The following CAPN13 variants were observed in gnomAD, a reference collection of about 807,000 sequenced individuals.
The protein encoded by CAPN13 is calpain-13.
Under a neutral mutation model 98.4 loss-of-function variants are expected in CAPN13, and 90 were observed. The observed-to-expected ratio is 0.92, with a 90% CI of 0.77 to 1.09. The LOEUF (loss-of-function observed/expected upper bound fraction) is 1.09, where lower values mean the gene tolerates loss of function less well. Ranked by LOEUF, CAPN13 falls within the 50% of genes least tolerant of loss-of-function variation. CAPN13 has a pLI of 0.00. For missense variants in CAPN13, 887 were observed against 841.3 expected (o/e 1.05, Z -0.67); for synonymous variants, 330 against 305.5 (o/e 1.08, Z -0.84).
At chr2:30,800,542 G>A (rs959138984) in intron 1 of CAPN13, among the ~76,000 whole-genome samples, 3 of 152,172 alleles carry the variant, frequency 2.0e-5, no homozygotes, top group African/African-American at 7.2e-5. Context: ...CCTTGGGCAC[G>A]TCGCTCCCTC....
At chr2:30,760,557 T>C (rs549598265) in intron 7 of CAPN13, among the ~76,000 whole-genome samples, 2 of 152,242 alleles carry the variant, frequency 1.3e-5, no homozygotes, top group African/African-American at 4.8e-5. Flanking sequence ...AGGTGCATAA[T>C]AAAAAATGCC....
chr2:30,754,429 G>C, intron 8 of CAPN13, 65 bp from the exon 9 acceptor site: 2 of 1,357,826 alleles, frequency 1.5e-6, no homozygotes, highest in Non-Finnish European at 2.0e-6. Flanking sequence ...ACCATGTGTG[G>C]GTCAACAGGG....
intron 1 of CAPN13, among the ~76,000 whole-genome samples, chr2:30,800,116 A>AAAGAAAGAAAGAAAG (rs1444108248): frequency 1.2e-5 from 1 of 85,658 alleles, no homozygotes; most frequent in East Asian, 3.9e-4. Flanking sequence ...GAAAAGAAAG[A>AAAGAAAGAAAGAAAG]AAAGAAAGAA....
At chr2:30,735,708 C>T (rs772750139) in intron 18 of CAPN13, among the ~76,000 whole-genome samples, 3 of 152,164 alleles carry the variant, frequency 2.0e-5, no homozygotes, top group Non-Finnish European at 2.9e-5. Context: ...CTGAAATAGC[C>T]ACACAGGAAC....
chr2:30,775,258 C>T (rs1003604421), intron 4 of CAPN13, among the ~76,000 whole-genome samples: 1 of 152,046 alleles, frequency 6.6e-6, no homozygotes. Flanking sequence ...TTACATGAGC[C>T]ACAAAATCAT....
intron 5 of CAPN13, 126 bp from the exon 6 acceptor site, chr2:30,764,432 C>T (rs1305769485): frequency 1.7e-5 from 16 of 938,438 alleles, no homozygotes; most frequent in Non-Finnish European, 2.4e-5. Context: ...CTGATCATGG[C>T]CACCCACCTC....
rs367988388 is a variant in CAPN13 at position 30,764,120 on chromosome 2, C to G, written c.699+12G>C. 3.1e-5 allele frequency: 48 copies of G among 1,555,722 alleles called. 1 individual carries two copies. In the African/African-American group the frequency reaches 5.9e-4, roughly 19 times the overall value. ...GCTTGAACTGGTGCAAAAGGGCTCC[C>G]CAGTGACTTACCCCACTTGGAGTGG... On this transcript the variant is annotated intron_variant, in intron 6 of 22. Transcript: ENST00000295055.
intron 18 of CAPN13, among the ~76,000 whole-genome samples, chr2:30,735,761 A>G (rs771679784): frequency 6.6e-6 from 1 of 152,258 alleles, no homozygotes; most frequent in Non-Finnish European, 1.5e-5. Context: ...ATATTTAGTG[A>G]CATGGCTAGA....
intron 22 of CAPN13, among the ~76,000 whole-genome samples, chr2:30,730,451 T>C (rs1671027973): frequency 6.6e-6 from 1 of 152,224 alleles, no homozygotes; most frequent in Non-Finnish European, 1.5e-5. Context: ...GAGATACTTT[T>C]TTTCTTTCGA....
intron 10 of CAPN13, among the ~76,000 whole-genome samples, chr2:30,751,920 A>G (rs575667308): frequency 6.6e-6 from 1 of 152,344 alleles, no homozygotes; most frequent in East Asian, 1.9e-4. Flanking sequence ...GTGCTCGATC[A>G]CTGGCTCTCT....
chr2:30,745,320 T>C, intron 12 of CAPN13: 1 of 485,418 alleles, frequency 2.1e-6, no homozygotes. Context: ...ACCTTGAAGC[T>C]GCATTTGGAG....
chr2:30,727,155 C>G (rs911106743), intron 22 of CAPN13, among the ~76,000 whole-genome samples: 4 of 152,078 alleles, frequency 2.6e-5, no homozygotes, highest in Admixed American at 2.6e-4. Context: ...GAAATTAGAA[C>G]GTTACTTCAC....
At chr2:30,777,448 C>T (rs1045654212) in intron 3 of CAPN13, 119 bp downstream of exon 3, 34 of 853,036 alleles carry the variant, frequency 4.0e-5, no homozygotes, top group Non-Finnish European at 5.7e-6. Context: ...GCAGTTTGTC[C>T]ACGGCAGCAC....
At chr2:30,792,562 A>G (rs919236631) in intron 1 of CAPN13, among the ~76,000 whole-genome samples, 2 of 152,146 alleles carry the variant, frequency 1.3e-5, no homozygotes, top group Non-Finnish European at 2.9e-5. Context: ...TGAATTTACT[A>G]TCCAAAGCTT....
At chr2:30,800,266 T>C (rs1675193733) in intron 1 of CAPN13, among the ~76,000 whole-genome samples, 1 of 152,200 alleles carries the variant, frequency 6.6e-6, no homozygotes, top group Admixed American at 6.5e-5. Flanking sequence ...CCAGTGACTC[T>C]GGGTTCAGCA....
chr2:30,760,306 C>T (rs1288456455), intron 7 of CAPN13, among the ~76,000 whole-genome samples: 7 of 152,164 alleles, frequency 4.6e-5, no homozygotes, highest in African/African-American at 7.2e-5. Context: ...AGGATGGATA[C>T]GCAGTTTATT....
At chr2:30,751,035 C>G in intron 11 of CAPN13, 68 bp downstream of exon 11, 2 of 1,542,848 alleles carry the variant, frequency 1.3e-6, no homozygotes. Flanking sequence ...CTGGCCAGAG[C>G]TGTTCTCCCC....
chr2:30,754,662 C>T (rs936015861), intron 8 of CAPN13, among the ~76,000 whole-genome samples: 2 of 152,234 alleles, frequency 1.3e-5, no homozygotes, highest in Non-Finnish European at 2.9e-5. Flanking sequence ...TACCCATCCT[C>T]TGCCACCTCC....
At chr2:30,786,484 G>A (rs1674288443) in intron 2 of CAPN13, among the ~76,000 whole-genome samples, 1 of 152,086 alleles carries the variant, frequency 6.6e-6, no homozygotes, top group African/African-American at 2.4e-5. Flanking sequence ...AAACCAGAAG[G>A]GCTCACCTGG....
Sources: gnomAD v4.1 joint callset for allele counts (sites outside exome capture counted in the v4.1 genomes callset) on GRCh38, gnomAD v4.1.1 for gene constraint, MANE v1.5 for transcripts, NCBI Gene and HGNC (gene_info 2026-07-23, HGNC 2026-07-21) for gene names.